Variants in CD2AP observed in about 807,000 individuals in gnomAD.
CD2AP encodes CD2 associated protein.
CD2AP carries 46 observed loss-of-function variants against 85.1 expected under a neutral mutation model. That is an observed-to-expected ratio of 0.54 (90% CI 0.43 to 0.69). CD2AP has a LOEUF of 0.69. Ranked by LOEUF, CD2AP falls within the 30% of genes least tolerant of loss-of-function variation. CD2AP has a pLI of 0.00. For missense variants in CD2AP, 769 were observed against 729.5 expected (o/e 1.05, Z -0.62); for synonymous variants, 255 against 252.9 (o/e 1.01, Z -0.08).
Position 47,579,494 on chromosome 6 carries a change from G to A in CD2AP, c.1008+5G>A. 1 of 1,550,088 alleles carries A rather than the reference G, an allele frequency of 6.5e-7. No homozygotes were observed. Among genetic ancestry groups the A allele is most frequent in the East Asian group, 2.2e-5 (1 of 44,528 alleles). On this transcript the variant is annotated splice_donor_5th_base_variant and intron_variant, in intron 9 of 17. Coordinates refer to ENST00000359314, the MANE Select transcript of CD2AP (RefSeq NM_012120.3). ...GAACTTGATAAAGACTTTCCAGTAAGCTTTTGTTTTTCAATGATGATAATA... is the reference window on the plus strand; with the variant it reads ...GAACTTGATAAAGACTTTCCAGTAAACTTTTGTTTTTCAATGATGATAATA...
In CD2AP at chr6:47,503,335, T is replaced by C; in HGVS notation, c.60T>C (p.Ile20=). 2 of 1,613,762 alleles carry C rather than the reference T, an allele frequency of 1.2e-6. No individual in the cohort carries two copies. The highest frequency in any genetic ancestry group is 1.7e-6 in the Non-Finnish European group (2 of 1,179,778). ...CTGTACATGATGATGAATTAACTAT[T>C]CGAGTTGGAGAAATCATCAGGAATG... ...YDAVHDDELT[I]RVGEIIRNVK... is the part of the protein sequence containing the mutation. The change falls in exon 2 of 18, where the codon ATT becomes ATC. Residue 20 remains isoleucine, a synonymous_variant. Coordinates refer to ENST00000359314, the MANE Select transcript of CD2AP (RefSeq NM_012120.3).
chr6:47,556,633 G>A (rs1407925321), intron 5 of CD2AP, among the ~76,000 whole-genome samples: 1 of 152,036 alleles, frequency 6.6e-6, no homozygotes, highest in African/African-American at 2.4e-5. Flanking sequence ...ACAGGCGGGA[G>A]CCACTGTGCC....
At chr6:47,619,872 T>C (rs1234985405) in intron 17 of CD2AP, among the ~76,000 whole-genome samples, 1 of 152,262 alleles carries the variant, frequency 6.6e-6, no homozygotes, top group Non-Finnish European at 1.5e-5. Flanking sequence ...CATCTTCTTT[T>C]GAGGATTGTC....
At chr6:47,514,276 TC>T (rs1187625935) in intron 2 of CD2AP, among the ~76,000 whole-genome samples, 11 of 152,164 alleles carry the variant, frequency 7.2e-5, no homozygotes, top group East Asian at 5.8e-4. Flanking sequence ...ACTTCATTGA[TC>T]TTTTTTAAGT....
intron 1 of CD2AP, among the ~76,000 whole-genome samples, chr6:47,494,900 G>T (rs1278324856): frequency 6.6e-6 from 1 of 152,214 alleles, no homozygotes; most frequent in Non-Finnish European, 1.5e-5. Context: ...GCTCACGCCT[G>T]TTGTAATCTG....
chr6:47,594,846 A>G (rs1768895937), intron 11 of CD2AP, among the ~76,000 whole-genome samples: 1 of 152,034 alleles, frequency 6.6e-6, no homozygotes. Context: ...AAGACTTGTA[A>G]TTTTTAAAAG....
At chr6:47,525,721 C>T (rs774860601) in intron 2 of CD2AP, among the ~76,000 whole-genome samples, 1 of 152,102 alleles carries the variant, frequency 6.6e-6, no homozygotes, top group Non-Finnish European at 1.5e-5. Flanking sequence ...CTTCCCCCAC[C>T]ATTTGCATAT....
intron 3 of CD2AP, among the ~76,000 whole-genome samples, chr6:47,544,319 G>GT (rs1767310461): frequency 6.6e-6 from 1 of 152,018 alleles, no homozygotes; most frequent in Non-Finnish European, 1.5e-5. Flanking sequence ...TTTATTGTCG[G>GT]TTTTTTTAGT....
Position 47,576,585 on chromosome 6 carries a change from C to G in CD2AP, c.791C>G (p.Thr264Ser). Residue 264 changes from threonine to serine, a missense_variant, in exon 7 of 18, where the codon ACC (threonine) becomes AGC (serine). Transcript: ENST00000359314. ...TQSVEITKTDTEGKIKAKEYC... is the reference protein window; with the variant it reads ...TQSVEITKTDSEGKIKAKEYC... Reference sequence around the variant, plus strand: ...AGTGTGGAGATAACAAAAACAGATACCGAAGGTAAAATTAAAGGTATGTTT... The same window carrying G: ...AGTGTGGAGATAACAAAAACAGATAGCGAAGGTAAAATTAAAGGTATGTTT... 6.2e-7 allele frequency: 1 copy of G among 1,609,980 alleles called. No homozygotes were observed. Among genetic ancestry groups the G allele is most frequent in the Non-Finnish European group, 8.5e-7 (1 of 1,176,762 alleles).
intron 14 of CD2AP, among the ~76,000 whole-genome samples, chr6:47,606,978 T>G (rs990081014): frequency 6.6e-6 from 1 of 152,028 alleles, no homozygotes; most frequent in Admixed American, 6.6e-5. Context: ...CTAACACCCT[T>G]CCCAGCCTCT....
intron 9 of CD2AP, among the ~76,000 whole-genome samples, 198 bp from the exon 10 acceptor site, chr6:47,580,666 G>A (rs1768452862): frequency 6.6e-6 from 1 of 152,136 alleles, no homozygotes; most frequent in Admixed American, 6.5e-5. Context: ...TGACCAATGA[G>A]GCTGTTTTTT....
chr6:47,599,203 G>A (rs1769037348), intron 12 of CD2AP, 98 bp from the exon 13 acceptor site: 3 of 933,940 alleles, frequency 3.2e-6, no homozygotes, highest in East Asian at 2.5e-5. Flanking sequence ...GAAAGTAATC[G>A]GTATTAGGCC....
At chr6:47,621,624 ATTC>A (rs1267465685) in intron 17 of CD2AP, among the ~76,000 whole-genome samples, 4 of 152,236 alleles carry the variant, frequency 2.6e-5, no homozygotes, top group Admixed American at 6.5e-5. Context: ...ATTGGTACCC[ATTC>A]TTCTTTGAAT....
rs370888217 is a variant in CD2AP at position 47,615,162 on chromosome 6, G to A, written c.1878+2626G>A. Among the ~76,000 whole-genome samples the A allele has an allele frequency of 7.2e-5, 11 of 152,116 alleles. No homozygotes were observed. The East Asian group carries it at 1.4e-3, about 19-fold the overall frequency. ...AGAGAGAATTGGGGACTTGCAGTTGGAAAACCTTGGCTCTTATCCTGAGAA... is the reference window on the plus strand; with the variant it reads ...AGAGAGAATTGGGGACTTGCAGTTGAAAAACCTTGGCTCTTATCCTGAGAA... On this transcript the variant is annotated intron_variant, in intron 17 of 17. Coordinates refer to ENST00000359314, the MANE Select transcript of CD2AP (RefSeq NM_012120.3).
chr6:47,589,120 A>G (rs1035842339), intron 11 of CD2AP, among the ~76,000 whole-genome samples: 4 of 152,108 alleles, frequency 2.6e-5, no homozygotes, highest in Non-Finnish European at 4.4e-5. Context: ...GATAGGAAGT[A>G]TGGAATAGAG....
intron 1 of CD2AP, among the ~76,000 whole-genome samples, chr6:47,491,107 A>G (rs913069724): frequency 6.6e-6 from 1 of 152,146 alleles, no homozygotes; most frequent in African/African-American, 2.4e-5. Flanking sequence ...AATGACATTA[A>G]GCAATGCTAA....
intron 11 of CD2AP, among the ~76,000 whole-genome samples, chr6:47,588,031 G>C (rs1223826457): frequency 6.6e-6 from 1 of 152,086 alleles, no homozygotes; most frequent in East Asian, 1.9e-4. Context: ...TGCTTTCCGT[G>C]TGTTTGCAGT....
chr6:47,485,410 G>A (rs1009714647), intron 1 of CD2AP, among the ~76,000 whole-genome samples: 1 of 151,858 alleles, frequency 6.6e-6, no homozygotes, highest in African/African-American at 2.4e-5. Flanking sequence ...ATTTTTAAAT[G>A]GAAAAAAGCT....
At chr6:47,525,505 A>G (rs1766697155) in intron 2 of CD2AP, among the ~76,000 whole-genome samples, 1 of 152,156 alleles carries the variant, frequency 6.6e-6, no homozygotes, top group Admixed American at 6.5e-5. Context: ...TCTATGGAAT[A>G]CAAGTAAATT....
Sources: allele counts gnomAD v4.1 joint callset (sites outside exome capture counted in the v4.1 genomes callset), GRCh38; gene constraint gnomAD v4.1.1; transcripts MANE v1.5; gene names NCBI Gene and HGNC (gene_info 2026-07-23, HGNC 2026-07-21).